CHRM2: variants seen among roughly 807,000 people sequenced by gnomAD.
CHRM2 encodes cholinergic receptor muscarinic 2, also known as muscarinic acetylcholine receptor M2.
A neutral mutation model predicts 25.0 loss-of-function variants in CHRM2; 8 were observed. The observed-to-expected ratio is 0.32, with a 90% CI of 0.19 to 0.58. The LOEUF (loss-of-function observed/expected upper bound fraction) is 0.58. CHRM2 is among the 20% of genes least tolerant of loss of function. The pLI is 0.88. For missense variants in CHRM2, 440 were observed against 567.1 expected (o/e 0.78, Z 2.28); for synonymous variants, 202 against 205.7 (o/e 0.98, Z 0.15).
chr7:136,987,378 C>G (rs2131002375), intron 2 of CHRM2, among the ~76,000 whole-genome samples: 1 of 152,306 alleles, frequency 6.6e-6, no homozygotes, highest in Non-Finnish European at 1.5e-5. Context: ...TGGGGCTTAT[C>G]CACTGTTTTC....
intron 2 of CHRM2, among the ~76,000 whole-genome samples, chr7:136,886,489 T>C (rs1796470299): frequency 6.6e-6 from 1 of 152,238 alleles, no homozygotes; most frequent in Admixed American, 6.5e-5. Flanking sequence ...TTCTTGTCGA[T>C]CTAAGGCAAG....
Position 136,961,590 on chromosome 7 carries a change from T to A in CHRM2, c.-124-30597T>A, listed in dbSNP as rs143234399. 1.4e-3 allele frequency among the ~76,000 whole-genome samples: 213 copies of A among 152,298 alleles called. 1 individual carries two copies. Among genetic ancestry groups the A allele is most frequent in the African/African-American group, 4.8e-3 (200 of 41,568 alleles). On this transcript the variant is annotated intron_variant, in intron 2 of 3. Transcript: ENST00000680005. Reference sequence around the variant, plus strand: ...TAATTTTTTTTCATTCTTTAAACTGTAGACTTTGGGGTACATTTCAATCTA... The same window carrying A: ...TAATTTTTTTTCATTCTTTAAACTGAAGACTTTGGGGTACATTTCAATCTA...
chr7:136,998,220 A>G (rs1050843230), intron 3 of CHRM2, among the ~76,000 whole-genome samples: 1 of 152,158 alleles, frequency 6.6e-6, no homozygotes, highest in African/African-American at 2.4e-5. Context: ...TTTGAATCTA[A>G]TTTTCAAGCC....
At chr7:136,977,857 T>G (rs1182100928) in intron 2 of CHRM2, among the ~76,000 whole-genome samples, 3 of 152,202 alleles carry the variant, frequency 2.0e-5, no homozygotes, top group African/African-American at 7.2e-5. Context: ...TTCCAGAATT[T>G]GTATAGCTTG....
intron 2 of CHRM2, among the ~76,000 whole-genome samples, chr7:136,977,454 A>G (rs886691938): frequency 1.3e-5 from 2 of 152,064 alleles, no homozygotes; most frequent in African/African-American, 4.8e-5. Context: ...CAGTGGGTTT[A>G]CAATGGAAAT....
At chr7:137,006,933 T>C (rs2131092560) in intron 3 of CHRM2, among the ~76,000 whole-genome samples, 1 of 152,216 alleles carries the variant, frequency 6.6e-6, no homozygotes, top group South Asian at 2.1e-4. Flanking sequence ...TGTGTGCTTT[T>C]GAACCTACAG....
rs571566587 is a variant in CHRM2 at position 136,896,926 on chromosome 7, C to T, written c.-125+27508C>T. On this transcript the variant is annotated intron_variant, in intron 2 of 3. Coordinates refer to ENST00000680005, the MANE Select transcript of CHRM2 (RefSeq NM_001006630.2). ...TGATTTGTTTTTCTCTAAAATGACACTGCTTGAAGTATTTAAAATTATCTG... is the reference window on the plus strand; with the variant it reads ...TGATTTGTTTTTCTCTAAAATGACATTGCTTGAAGTATTTAAAATTATCTG... 3.3e-5 allele frequency among the ~76,000 whole-genome samples: 5 copies of T among 152,000 alleles called. No individual in the cohort carries two copies. The South Asian group carries it at 6.2e-4, about 19-fold the overall frequency.
chr7:136,972,649 C>T (rs1801850324), intron 2 of CHRM2, among the ~76,000 whole-genome samples: 2 of 152,140 alleles, frequency 1.3e-5, no homozygotes, highest in African/African-American at 4.8e-5. Context: ...CCAATGTCTG[C>T]ATTGTTGATG....
chr7:136,927,994 T>C (rs1035135239), intron 2 of CHRM2, among the ~76,000 whole-genome samples: 1 of 152,226 alleles, frequency 6.6e-6, no homozygotes, highest in African/African-American at 2.4e-5. Context: ...GATTTGTCTT[T>C]ACTTTTCATA....
chr7:136,933,031 A>AAATAAAT (rs1799199578), intron 2 of CHRM2, among the ~76,000 whole-genome samples: 3 of 146,392 alleles, frequency 2.0e-5, no homozygotes, highest in African/African-American at 7.4e-5. Flanking sequence ...CTCTGTTTCA[A>AAATAAAT]AAATAAATAA....
chr7:136,879,494 C>T (rs932096448), intron 2 of CHRM2, among the ~76,000 whole-genome samples: 22 of 151,968 alleles, frequency 1.4e-4, no homozygotes, highest in African/African-American at 5.3e-4. Context: ...TTCTGGAAAT[C>T]ATGACTGTCT....
At chr7:136,988,041 T>G (rs1450139495) in intron 2 of CHRM2, among the ~76,000 whole-genome samples, 8 of 150,858 alleles carry the variant, frequency 5.3e-5, no homozygotes, top group Non-Finnish European at 1.2e-4. Flanking sequence ...TAGAATTTTA[T>G]GTATAATATA....
chr7:136,948,351 A>G (rs576802016), intron 2 of CHRM2, among the ~76,000 whole-genome samples: 40 of 152,300 alleles, frequency 2.6e-4, no homozygotes, highest in South Asian at 2.5e-3. Context: ...ATAAAGTAGA[A>G]TATTAAAGTT....
chr7:136,891,113 C>T (rs1324380914), intron 2 of CHRM2, among the ~76,000 whole-genome samples: 1 of 152,160 alleles, frequency 6.6e-6, no homozygotes, highest in Non-Finnish European at 1.5e-5. Flanking sequence ...ATACCCATCA[C>T]CTAGTTTTCT....
chr7:136,917,107 CATG>C (rs1798162404), intron 2 of CHRM2, among the ~76,000 whole-genome samples: 1 of 151,480 alleles, frequency 6.6e-6, no homozygotes, highest in Non-Finnish European at 1.5e-5. Flanking sequence ...AAAATGAAAA[CATG>C]ATATTTTTTA....
At chr7:136,995,279 T>C (rs1358025356) in intron 3 of CHRM2, among the ~76,000 whole-genome samples, 1 of 152,036 alleles carries the variant, frequency 6.6e-6, no homozygotes, top group African/African-American at 2.4e-5. Flanking sequence ...AGGTCGACCT[T>C]AGCAAGATAT....
At chr7:136,957,221 C>T (rs901223147) in intron 2 of CHRM2, among the ~76,000 whole-genome samples, 1 of 152,014 alleles carries the variant, frequency 6.6e-6, no homozygotes, top group Non-Finnish European at 1.5e-5. Context: ...GGGGGCAGCC[C>T]ACTCCTATCA....
chr7:136,950,001 C>A (rs903415944), intron 2 of CHRM2, among the ~76,000 whole-genome samples: 1 of 152,176 alleles, frequency 6.6e-6, no homozygotes, highest in African/African-American at 2.4e-5. Flanking sequence ...TATTCACATT[C>A]TTTCCATCAT....
intron 2 of CHRM2, among the ~76,000 whole-genome samples, chr7:136,923,877 C>T (rs577713439): frequency 1.3e-5 from 2 of 152,038 alleles, no homozygotes; most frequent in South Asian, 2.1e-4. Flanking sequence ...CTAGGTGTGG[C>T]GGTGTGTGCC....
Sources: gnomAD v4.1 joint callset for allele counts (sites outside exome capture counted in the v4.1 genomes callset) on GRCh38, gnomAD v4.1.1 for gene constraint, MANE v1.5 for transcripts, NCBI Gene and HGNC (gene_info 2026-07-23, HGNC 2026-07-21) for gene names.